Variants in LRMDA observed in about 807,000 individuals in gnomAD.
LRMDA encodes leucine-rich melanocyte differentiation-associated protein.
LRMDA carries 18 observed loss-of-function variants against 29.8 expected under a neutral mutation model. The ratio of observed to expected loss-of-function variants is 0.60; its 90% confidence interval spans 0.42 to 0.90. The LOEUF (loss-of-function observed/expected upper bound fraction) is 0.90, where lower values mean the gene tolerates loss of function less well. Among genes scored for constraint, LRMDA ranks in the 40% least tolerant of loss-of-function variants. The probability of loss-of-function intolerance (pLI) is 0.00; values close to 1 mark genes in which losing one functional copy is unlikely to be tolerated. For synonymous variants in LRMDA, 125 were observed against 109.4 expected (o/e 1.14, Z -0.89); for missense variants, 273 against 273.9 (o/e 1.00, Z 0.02).
intron 5 of LRMDA, among the ~76,000 whole-genome samples, chr10:76,218,732 T>G (rs1589380842): frequency 6.6e-6 from 1 of 152,202 alleles, no homozygotes; most frequent in African/African-American, 2.4e-5. Flanking sequence ...AATCACCATT[T>G]TTACTTTCCT....
intron 5 of LRMDA, among the ~76,000 whole-genome samples, chr10:76,317,198 C>G (rs536448746): frequency 6.6e-6 from 1 of 152,332 alleles, no homozygotes; most frequent in South Asian, 2.1e-4. Flanking sequence ...TAGCCTTGTA[C>G]ATGTTACTGA....
At chr10:76,353,427 G>A (rs11001746) in intron 6 of LRMDA, among the ~76,000 whole-genome samples, 45,425 of 151,778 alleles carry the variant, frequency 0.3, 8,772 homozygotes, top group Non-Finnish European at 0.43. Flanking sequence ...CTGAAAGGTT[G>A]ACACATGCAT....
intron 6 of LRMDA, among the ~76,000 whole-genome samples, chr10:76,444,308 C>T (rs1411626505): frequency 6.6e-6 from 1 of 152,160 alleles, no homozygotes; most frequent in East Asian, 1.9e-4. Context: ...CAAAGGAGTA[C>T]ACAGTGCTTG....
At chr10:75,981,651 A>C (rs902976435) in intron 2 of LRMDA, among the ~76,000 whole-genome samples, 3 of 152,128 alleles carry the variant, frequency 2.0e-5, no homozygotes, top group Non-Finnish European at 4.4e-5. Context: ...CAAGAGATCG[A>C]GACCATCCTG....
intron 2 of LRMDA, among the ~76,000 whole-genome samples, chr10:75,635,014 A>C (rs752390317): frequency 6.6e-6 from 1 of 152,208 alleles, no homozygotes; most frequent in Non-Finnish European, 1.5e-5. Flanking sequence ...TAGTCTTCCC[A>C]TCTCTTAAGG....
At chr10:76,101,228 T>G (rs990171948) in intron 5 of LRMDA, among the ~76,000 whole-genome samples, 4 of 152,224 alleles carry the variant, frequency 2.6e-5, no homozygotes, top group Non-Finnish European at 4.4e-5. Flanking sequence ...AACTACTGAT[T>G]GTTTAAGAAG....
intron 2 of LRMDA, among the ~76,000 whole-genome samples, chr10:75,688,172 T>C (rs571832014): frequency 2.0e-5 from 3 of 152,304 alleles, no homozygotes; most frequent in Admixed American, 6.5e-5. Context: ...ACTCAAGAAA[T>C]ATATTTTGTA....
rs117377572 is a variant in LRMDA, at chr10:76,026,179, A to G, written c.132-9829A>G. Among the ~76,000 whole-genome samples, 659 of 152,376 alleles carry G rather than the reference A, an allele frequency of 4.3e-3. 3 individuals carry two copies. Among genetic ancestry groups the G allele is most frequent in the Non-Finnish European group, 7.3e-3 (495 of 68,034 alleles). ...TCGAAAACCATTTAGGTTCATCATT[A>G]TATTAATAATTGAGGACGTACAATG... On this transcript the variant is annotated intron_variant, in intron 2 of 6. Coordinates refer to ENST00000611255, the MANE Select transcript of LRMDA (RefSeq NM_001305581.2).
intron 6 of LRMDA, among the ~76,000 whole-genome samples, chr10:76,327,024 A>C (rs113760327): frequency 0.014 from 2,077 of 151,672 alleles, 28 homozygotes; most frequent in African/African-American, 0.036. Flanking sequence ...GATAGAGGTC[A>C]GGTTATGTGT....
chr10:76,227,244 A>G (rs1240067233), intron 5 of LRMDA, among the ~76,000 whole-genome samples: 1 of 152,242 alleles, frequency 6.6e-6, no homozygotes, highest in African/African-American at 2.4e-5. Context: ...AGTCTACCCA[A>G]TAAGTAATAT....
intron 2 of LRMDA, among the ~76,000 whole-genome samples, chr10:75,717,208 T>G (rs1186217281): frequency 6.6e-6 from 1 of 152,176 alleles, no homozygotes; most frequent in African/African-American, 2.4e-5. Context: ...GCTGAAGCCT[T>G]GGGGAGTCCC....
intron 2 of LRMDA, among the ~76,000 whole-genome samples, chr10:75,898,115 C>A (rs150204179): frequency 6.6e-6 from 1 of 152,102 alleles, no homozygotes. Flanking sequence ...TGAGCCACTG[C>A]GCCTGGCCTT....
rs1232954440 is a variant in LRMDA at position 75,875,897 on chromosome 10, C to A, written c.132-160111C>A. On this transcript the variant is annotated intron_variant, in intron 2 of 6. Transcript: ENST00000611255. ...GGACCCTGGTGGTAAAACATGAGGC[C>A]TGATTGGAGAGTAGTATTGGACCCT... Among the ~76,000 whole-genome samples the A allele has an allele frequency of 2.6e-5, 4 of 152,058 alleles. No individual in the cohort carries two copies. In the East Asian group the frequency reaches 7.7e-4, roughly 29 times the overall value.
intron 2 of LRMDA, among the ~76,000 whole-genome samples, chr10:75,866,717 T>C (rs1845026201): frequency 6.6e-6 from 1 of 152,146 alleles, no homozygotes; most frequent in Non-Finnish European, 1.5e-5. Flanking sequence ...GACATTTGGG[T>C]ATTTGCAAAG....
At chr10:75,518,122 T>C (rs533133476) in intron 2 of LRMDA, among the ~76,000 whole-genome samples, 41 of 152,344 alleles carry the variant, frequency 2.7e-4, no homozygotes, top group South Asian at 6.2e-4. Flanking sequence ...TTGAGGATTT[T>C]CACATCGATG....
intron 6 of LRMDA, among the ~76,000 whole-genome samples, chr10:76,484,970 C>G (rs1036573216): frequency 1.1e-4 from 16 of 151,716 alleles, no homozygotes; most frequent in Non-Finnish European, 2.1e-4. Context: ...GTACAGCTTT[C>G]TTTCGTTAGT....
intron 5 of LRMDA, among the ~76,000 whole-genome samples, chr10:76,145,285 C>T (rs1407485412): frequency 6.6e-6 from 1 of 152,142 alleles, no homozygotes; most frequent in African/African-American, 2.4e-5. Flanking sequence ...CTCTTTTCAC[C>T]TCTGGTAGAA....
In LRMDA at chr10:76,494,106, C is replaced by T. The variant is rs189255506; in HGVS notation, c.602-63103C>T. On this transcript the variant is annotated intron_variant, in intron 6 of 6. Coordinates refer to ENST00000611255, the MANE Select transcript of LRMDA (RefSeq NM_001305581.2). ...TGATTTTCTGTATAGCTGATCATGT[C>T]TTTTGCAAATAATAACAGTTTTCTT... Among the ~76,000 whole-genome samples the T allele has an allele frequency of 3.5e-3, 530 of 152,032 alleles. 1 individual carries two copies. Among genetic ancestry groups the T allele is most frequent in the Middle Eastern group, 0.031 (9 of 294 alleles).
intron 6 of LRMDA, among the ~76,000 whole-genome samples, chr10:76,421,320 A>G (rs1842069574): frequency 1.3e-5 from 2 of 151,996 alleles, no homozygotes; most frequent in Non-Finnish European, 2.9e-5. Flanking sequence ...TTTATTTGGT[A>G]TTTGTAAACA....
Sources: gnomAD v4.1 joint callset for allele counts (sites outside exome capture counted in the v4.1 genomes callset) on GRCh38, gnomAD v4.1.1 for gene constraint, MANE v1.5 for transcripts, NCBI Gene and HGNC (gene_info 2026-07-23, HGNC 2026-07-21) for gene names.